Variants in WDFY3 observed in about 807,000 individuals in gnomAD.
WDFY3 encodes WD repeat and FYVE domain-containing protein 3.
In WDFY3, 66 loss-of-function variants were observed where a neutral mutation model predicts 409.6. That is an observed-to-expected ratio of 0.16 (90% CI 0.13 to 0.20). The LOEUF is 0.20. Ranked by LOEUF, WDFY3 falls within the 10% of genes least tolerant of loss-of-function variation. The pLI is 1.00. For missense variants in WDFY3, 3,031 were observed against 4,298.1 expected (o/e 0.71, Z 8.24); for synonymous variants, 1,521 against 1,537.1 (o/e 0.99, Z 0.25).
intron 5 of WDFY3, among the ~76,000 whole-genome samples, chr4:84,842,476 C>CAA (rs552074328): frequency 3.1e-5 from 4 of 129,174 alleles, no homozygotes; most frequent in African/African-American, 8.5e-5. Context: ...GACTCTGTCT[C>CAA]AAAAAAAAAA....
Position 84,678,188 on chromosome 4 carries a change from G to C in WDFY3, c.10239C>G (p.Val3413=). The C allele has an allele frequency of 6.2e-7, 1 of 1,613,986 alleles. No individual in the cohort carries two copies. Among genetic ancestry groups the C allele is most frequent in the African/African-American group, 1.3e-5 (1 of 75,026 alleles). ...CTTACTTGGAGATGCCCAAGGCAGT[G>C]ACCTCAGCTGGGTGTGCATTGTCCT... The part of the protein sequence containing the change: ...DRKDNAHPAE[V]TALGISKDHS... Residue 3413 remains valine, a synonymous_variant, in exon 66 of 68, where the codon GTC becomes GTG. Transcript: ENST00000295888.
chr4:84,698,606 T>C (rs1020393144), intron 56 of WDFY3, among the ~76,000 whole-genome samples: 4 of 152,176 alleles, frequency 2.6e-5, no homozygotes, highest in African/African-American at 7.2e-5. Context: ...CCTCCATGTG[T>C]ATCCAAGGAT....
intron 47 of WDFY3, among the ~76,000 whole-genome samples, chr4:84,719,404 C>T (rs1734477638): frequency 6.6e-6 from 1 of 152,154 alleles, no homozygotes; most frequent in Non-Finnish European, 1.5e-5. Flanking sequence ...CTTGCTTAAA[C>T]TTAGTTCAAC....
chr4:84,828,849 T>C (rs954677001), intron 9 of WDFY3, among the ~76,000 whole-genome samples, 155 bp downstream of exon 9: 1 of 152,164 alleles, frequency 6.6e-6, no homozygotes, highest in Non-Finnish European at 1.5e-5. Context: ...CAGTAAGCTG[T>C]GATTGCACCA....
chr4:84,683,007 C>G (rs537037214), intron 63 of WDFY3: 1 of 153,906 alleles, frequency 6.5e-6, no homozygotes, highest in Non-Finnish European at 1.4e-5. Context: ...AAACATAGTT[C>G]AACTAAGTAA....
intron 3 of WDFY3, among the ~76,000 whole-genome samples, chr4:84,880,670 C>CATATATATATATAT (rs1412358154): frequency 1.8e-5 from 1 of 55,204 alleles, no homozygotes; most frequent in African/African-American, 8.1e-5. Flanking sequence ...ATAAGGGAAC[C>CATATATATATATAT]ATACATATAT....
At chr4:84,862,708 C>T (rs1279173526) in intron 3 of WDFY3, among the ~76,000 whole-genome samples, 1 of 151,950 alleles carries the variant, frequency 6.6e-6, no homozygotes, top group Non-Finnish European at 1.5e-5. Context: ...TTTTTTTCTG[C>T]TGGGCGCGGC....
At chr4:84,801,041 A>G (rs1220805823) in intron 17 of WDFY3, among the ~76,000 whole-genome samples, 4 of 152,208 alleles carry the variant, frequency 2.6e-5, no homozygotes, top group Admixed American at 2.6e-4. Flanking sequence ...GCTAAGGGCT[A>G]ACGATGTTGG....
At chr4:84,776,052 C>T (rs902662137) in intron 27 of WDFY3, among the ~76,000 whole-genome samples, 1 of 151,786 alleles carries the variant, frequency 6.6e-6, no homozygotes, top group Admixed American at 6.6e-5. Flanking sequence ...TGTAGTCAAA[C>T]AGAAAATAAT....
intron 61 of WDFY3, among the ~76,000 whole-genome samples, chr4:84,688,698 A>G (rs1334866935): frequency 5.3e-5 from 8 of 151,798 alleles, no homozygotes. Flanking sequence ...CTAAAGAATT[A>G]CAATTGAATG....
intron 67 of WDFY3, among the ~76,000 whole-genome samples, chr4:84,673,332 A>AG (rs1725735419): frequency 1.3e-5 from 2 of 152,148 alleles, no homozygotes; most frequent in African/African-American, 4.8e-5. Context: ...CATGGCCTAT[A>AG]AGCTTGGGAG....
intron 1 of WDFY3, among the ~76,000 whole-genome samples, chr4:84,933,155 T>C (rs545939790): frequency 2.0e-5 from 3 of 152,310 alleles, no homozygotes; most frequent in Non-Finnish European, 4.4e-5. Context: ...ACATTCGCCT[T>C]TTCAGATGAG....
At chr4:84,885,730 T>G (rs1027869460) in intron 3 of WDFY3, among the ~76,000 whole-genome samples, 15 of 152,226 alleles carry the variant, frequency 9.9e-5, no homozygotes, top group Non-Finnish European at 4.4e-5. Context: ...TTGCACCTAA[T>G]AGATTAGCAA....
intron 48 of WDFY3, among the ~76,000 whole-genome samples, chr4:84,718,171 TAATATA>T (rs1734275797): frequency 1.3e-5 from 2 of 151,508 alleles, no homozygotes; most frequent in African/African-American, 2.4e-5. Context: ...ATATACATTA[TAATATA>T]AATAACTCAG....
intron 5 of WDFY3, among the ~76,000 whole-genome samples, chr4:84,848,064 C>A (rs1345960670): frequency 6.6e-6 from 1 of 151,482 alleles, no homozygotes; most frequent in East Asian, 1.9e-4. Flanking sequence ...GGTCATCTAA[C>A]TAGAAGGAGA....
intron 15 of WDFY3, among the ~76,000 whole-genome samples, chr4:84,805,921 G>C (rs17377338): frequency 0.033 from 5,075 of 152,196 alleles, 86 homozygotes; most frequent in South Asian, 0.05. Context: ...CAATGAAAAA[G>C]GTTTTGAGTT....
At chr4:84,799,325 C>G (rs1200270619) in intron 17 of WDFY3, among the ~76,000 whole-genome samples, 1 of 143,498 alleles carries the variant, frequency 7.0e-6, no homozygotes, top group Non-Finnish European at 1.5e-5. Context: ...CTAGTTAATA[C>G]ATATATATAT....
intron 3 of WDFY3, among the ~76,000 whole-genome samples, chr4:84,891,572 C>T (rs572721004): frequency 2.6e-5 from 4 of 152,056 alleles, no homozygotes; most frequent in East Asian, 3.9e-4. Flanking sequence ...CTACAGATTC[C>T]GCAGAACACC....
At chr4:84,937,645 G>A (rs902463235) in intron 1 of WDFY3, among the ~76,000 whole-genome samples, 17 of 152,018 alleles carry the variant, frequency 1.1e-4, no homozygotes, top group Non-Finnish European at 1.9e-4. Flanking sequence ...ATCATAAATC[G>A]TATAACATCT....
Sources: gnomAD v4.1 joint callset for allele counts (sites outside exome capture counted in the v4.1 genomes callset) on GRCh38, gnomAD v4.1.1 for gene constraint, MANE v1.5 for transcripts, NCBI Gene and HGNC (gene_info 2026-07-23, HGNC 2026-07-21) for gene names.